RHBDD1: variants seen among roughly 807,000 people sequenced by gnomAD.
RHBDD1 encodes the protein rhomboid domain containing 1, also known as rhomboid-related protein 4.
RHBDD1 carries 38 observed loss-of-function variants against 36.3 expected under a neutral mutation model. That is an observed-to-expected ratio of 1.05 (90% CI 0.81 to 1.37). The LOEUF (loss-of-function observed/expected upper bound fraction) is 1.37, where lower values mean the gene tolerates loss of function less well. Among genes scored for constraint, RHBDD1 ranks in the 40% most tolerant of loss-of-function variants. The probability of loss-of-function intolerance (pLI) is 0.00; values close to 1 mark genes in which losing one functional copy is unlikely to be tolerated. For synonymous variants in RHBDD1, 151 were observed against 136.5 expected (o/e 1.11, Z -0.74); for missense variants, 393 against 377.6 (o/e 1.04, Z -0.34).
intron 5 of RHBDD1, among the ~76,000 whole-genome samples, chr2:226,903,166 G>A (rs1209375205): frequency 3.3e-5 from 5 of 152,130 alleles, no homozygotes; most frequent in African/African-American, 9.7e-5. Flanking sequence ...GTGGCCGATT[G>A]TACTGAGCCT....
chr2:226,953,546 A>G (rs1405244651), intron 8 of RHBDD1, among the ~76,000 whole-genome samples: 2 of 152,174 alleles, frequency 1.3e-5, no homozygotes, highest in Admixed American at 6.5e-5. Flanking sequence ...CCTGGAATCT[A>G]TATCATTACA....
rs1381505203 is a variant in RHBDD1 at position 226,867,280 on chromosome 2, T to C, written c.528T>C (p.Cys176=). ...LGFPVPNRFA[C]WVELVAIHLF... ...TTCCTGTACCGAACAGATTTGCTTG[T>C]TGGGTCGAACTTGTGGCTATTCATT... The change falls in exon 5 of 9, where the codon TGT becomes TGC. Residue 176 remains cysteine, a synonymous_variant. Transcript: ENST00000392062. 3 of 1,613,750 alleles carry C rather than the reference T, an allele frequency of 1.9e-6. No individual in the cohort carries two copies. Among genetic ancestry groups the C allele is most frequent in the African/African-American group, 2.7e-5 (2 of 74,938 alleles).
At chr2:226,867,551 AT>A (rs1166072861) in intron 5 of RHBDD1, 12 of 980,724 alleles carry the variant, frequency 1.2e-5, no homozygotes, top group South Asian at 4.7e-5. Context: ...CAGATTCCTC[AT>A]TTTTTTTAAG....
intron 8 of RHBDD1, among the ~76,000 whole-genome samples, chr2:226,956,761 G>A (rs901498539): frequency 6.6e-6 from 1 of 152,208 alleles, no homozygotes; most frequent in African/African-American, 2.4e-5. Flanking sequence ...AAGGACACTA[G>A]CCAGAGGCAG....
rs569606498 is a variant in RHBDD1 at position 226,929,413 on chromosome 2, CAATT to C, written c.856+15063_856+15066del. Among the ~76,000 whole-genome samples the C allele has an allele frequency of 1.4e-4, 21 of 152,130 alleles. No homozygotes were observed. In the South Asian group the frequency reaches 3.3e-3, roughly 24 times the overall value. ...AAAAACAAAAACCATATGATCATCT[CAATT>C]GATGCATAAAAAGCATTTGCTAAAG... On this transcript the variant is annotated intron_variant, in intron 8 of 8. Transcript: ENST00000392062.
chr2:226,881,446 A>G (rs887200123), intron 5 of RHBDD1, among the ~76,000 whole-genome samples: 1 of 152,216 alleles, frequency 6.6e-6, no homozygotes, highest in African/African-American at 2.4e-5. Context: ...TGACTGCATA[A>G]TGATTTCTTC....
the RHBDD1 span, among the ~76,000 whole-genome samples, chr2:226,807,268 A>T: frequency 6.6e-6 from 1 of 152,216 alleles, no homozygotes; most frequent in African/African-American, 2.4e-5. Flanking sequence ...TTTAAAATAT[A>T]TTCTTGTAAA....
Position 226,937,826 on chromosome 2 carries a change from T to C in RHBDD1, c.856+23475T>C, listed in dbSNP as rs558758974. On this transcript the variant is annotated intron_variant, in intron 8 of 8. Transcript: ENST00000392062. The stretch of plus-strand genomic sequence containing the variant: ...CATGGTGTATACGTACCACATTTTC[T>C]TTATCCAGTCTATCATTGATGGGCA... 5.9e-5 allele frequency among the ~76,000 whole-genome samples: 9 copies of C among 152,356 alleles called. No individual in the cohort carries two copies. The East Asian group carries it at 1.3e-3, about 23-fold the overall frequency.
At position 226,836,084 on chromosome 2, in the gene RHBDD1, G is replaced by C. The variant is rs940597214; in HGVS notation, c.-395G>C. On this transcript the variant is annotated 5_prime_UTR_variant, in exon 1 of 9. Transcript: ENST00000392062. ...CGTGGGGACGCAGGCGGGTCGTAGA[G>C]AGCGTGAGTTTCCGCGTCTGTTTGG... 2.0e-5 allele frequency: 3 copies of C among 152,738 alleles called. No individual in the cohort carries two copies. Among genetic ancestry groups the C allele is most frequent in the African/African-American group, 7.2e-5 (3 of 41,474 alleles). 9.5% of individuals were successfully genotyped at this position (152,738 alleles called of 1,614,324 possible).
chr2:226,893,445 T>C (rs1574986536), intron 5 of RHBDD1, among the ~76,000 whole-genome samples: 1 of 152,224 alleles, frequency 6.6e-6, no homozygotes, highest in African/African-American at 2.4e-5. Context: ...GAAGTGATCA[T>C]GGCCTCTTTC....
intron 3 of RHBDD1, among the ~76,000 whole-genome samples, chr2:226,847,435 A>G (rs946818487): frequency 7.3e-6 from 1 of 137,068 alleles, no homozygotes; most frequent in Non-Finnish European, 1.5e-5. Flanking sequence ...AACATTTTCA[A>G]TATTGACATA....
chr2:226,801,797 TG>T, the RHBDD1 span, among the ~76,000 whole-genome samples: 1 of 152,070 alleles, frequency 6.6e-6, no homozygotes, highest in Non-Finnish European at 1.5e-5. Context: ...GGTGGAAAAG[TG>T]TAACTGTGTG....
chr2:226,943,208 A>G (rs1040017682), intron 8 of RHBDD1, among the ~76,000 whole-genome samples: 1 of 152,202 alleles, frequency 6.6e-6, no homozygotes, highest in African/African-American at 2.4e-5. Context: ...TATCTTCACT[A>G]ATCTCAATCA....
At chr2:226,916,583 T>C (rs748699389) in intron 8 of RHBDD1, among the ~76,000 whole-genome samples, 23 of 152,164 alleles carry the variant, frequency 1.5e-4, no homozygotes, top group Non-Finnish European at 7.4e-5. Flanking sequence ...CACAGCATGA[T>C]AGGAAAGATT....
intron 3 of RHBDD1, among the ~76,000 whole-genome samples, chr2:226,855,253 A>G (rs982218978): frequency 6.6e-6 from 1 of 152,232 alleles, no homozygotes; most frequent in African/African-American, 2.4e-5. Context: ...CACACCTGTA[A>G]TCTCAATACT....
At chr2:226,974,222 C>T (rs1370443956) in intron 8 of RHBDD1, among the ~76,000 whole-genome samples, 1 of 98,332 alleles carries the variant, frequency 1.0e-5, no homozygotes, top group African/African-American at 4.2e-5. Flanking sequence ...GGGTGTTGCC[C>T]TTTTTTTATT....
intron 8 of RHBDD1, among the ~76,000 whole-genome samples, chr2:226,924,459 G>A (rs141169194): frequency 1.5e-4 from 23 of 152,256 alleles, no homozygotes; most frequent in Non-Finnish European, 1.0e-4. Context: ...CCAGAGCTGC[G>A]AGTTGCAGTG....
intron 8 of RHBDD1, among the ~76,000 whole-genome samples, chr2:226,921,626 T>G (rs1949322236): frequency 6.6e-6 from 1 of 152,208 alleles, no homozygotes. Context: ...TCAATTTCCA[T>G]GTATTTGTCT....
chr2:226,980,841 C>T (rs1955565380), intron 8 of RHBDD1, among the ~76,000 whole-genome samples: 1 of 152,082 alleles, frequency 6.6e-6, no homozygotes, highest in African/African-American at 2.4e-5. Context: ...TTTTTCTGTT[C>T]ATAAAATGTT....
Sources: gnomAD v4.1 joint callset for allele counts (sites outside exome capture counted in the v4.1 genomes callset) on GRCh38, gnomAD v4.1.1 for gene constraint, MANE v1.5 for transcripts, NCBI Gene and HGNC (gene_info 2026-07-23, HGNC 2026-07-21) for gene names.